Variants in CSGALNACT1 observed in about 807,000 individuals in gnomAD.
The protein encoded by CSGALNACT1 is beta4GalNAcT-1.
In CSGALNACT1, 52 loss-of-function variants were observed where a neutral mutation model predicts 51.0. The ratio of observed to expected loss-of-function variants is 1.02; its 90% CI spans 0.82 to 1.29. The LOEUF (loss-of-function observed/expected upper bound fraction) is 1.29, where lower values mean the gene tolerates loss of function less well. CSGALNACT1 is among the 50% of genes most tolerant of loss of function. The probability of loss-of-function intolerance (pLI) is 0.00; values close to 1 mark genes in which losing one functional copy is unlikely to be tolerated. For missense variants in CSGALNACT1, 935 were observed against 679.2 expected (o/e 1.38, Z -4.19); for synonymous variants, 341 against 254.4 (o/e 1.34, Z -3.24).
At chr8:19,675,222 G>A (rs549646120) in intron 1 of CSGALNACT1, among the ~76,000 whole-genome samples, 47 of 152,266 alleles carry the variant, frequency 3.1e-4, no homozygotes, top group African/African-American at 1.1e-3. Flanking sequence ...AACTACCTGA[G>A]AACTAGGAAA....
chr8:19,703,210 C>G (rs1474353058), intron 1 of CSGALNACT1, among the ~76,000 whole-genome samples: 1 of 152,104 alleles, frequency 6.6e-6, no homozygotes, highest in Admixed American at 6.5e-5. Flanking sequence ...CAGCTCAGCC[C>G]TTGTTCAGAA....
exon 8 of CSGALNACT1, chr8:19,418,671 G>C: frequency 6.2e-7 from 1 of 1,611,010 alleles, no homozygotes; most frequent in Non-Finnish European, 8.5e-7. Context: ...GCTGTTCCAA[G>C]GGAGGGACTG....
At chr8:19,666,809 A>AAGAAAGAAAGAGAGAGAGAGAG (rs1564383214) in intron 1 of CSGALNACT1, among the ~76,000 whole-genome samples, 3 of 25,064 alleles carry the variant, frequency 1.2e-4, no homozygotes, top group Non-Finnish European at 2.1e-4. Context: ...GAAAGAAAGA[A>AAGAAAGAAAGAGAGAGAGAGAG]AGAGAGAGAG....
intron 1 of CSGALNACT1, among the ~76,000 whole-genome samples, chr8:19,615,075 C>T (rs1458057890): frequency 6.6e-6 from 1 of 152,116 alleles, no homozygotes; most frequent in Non-Finnish European, 1.5e-5. Flanking sequence ...TTTGGGAGGT[C>T]GAATGGGTAT....
chr8:19,693,336 T>G lies in CSGALNACT1; in HGVS notation c.-297+64514A>C, dbSNP rs116713347. Among the ~76,000 whole-genome samples, 737 of 152,170 alleles carry G rather than the reference T, an allele frequency of 4.8e-3. 9 individuals carry two copies. The highest frequency in any genetic ancestry group is 0.017 in the African/African-American group (686 of 41,532). On this transcript the variant is annotated intron_variant, in intron 1 of 1. Transcript: ENST00000517494. ...GTGCTTCTGAACACCCCCATGCAGA[T>G]GCAGTTCTTCACCTGTGGTACCACC...
chr8:19,659,603 C>T (rs528268759), intron 1 of CSGALNACT1, among the ~76,000 whole-genome samples: 1 of 152,150 alleles, frequency 6.6e-6, no homozygotes, highest in Non-Finnish European at 1.5e-5. Context: ...CATAAGTTAC[C>T]ACGAAAGTGC....
chr8:19,493,049 C>A (rs2074704759), intron 4 of CSGALNACT1, among the ~76,000 whole-genome samples: 3 of 82,064 alleles, frequency 3.7e-5, no homozygotes, highest in African/African-American at 7.8e-5. Context: ...GCCTAAAATT[C>A]TTTTTTTGAA....
intron 3 of CSGALNACT1, among the ~76,000 whole-genome samples, chr8:19,576,254 G>T (rs552768752): frequency 1.3e-5 from 2 of 152,264 alleles, no homozygotes; most frequent in Non-Finnish European, 2.9e-5. Context: ...GGAGTGCAGT[G>T]GGGTAATCTC....
intron 6 of CSGALNACT1, among the ~76,000 whole-genome samples, chr8:19,424,528 T>C (rs993508831): frequency 6.6e-6 from 1 of 152,182 alleles, no homozygotes; most frequent in Non-Finnish European, 1.5e-5. Context: ...CTTCCTGTCT[T>C]TGCCAAACCT....
chr8:19,498,374 C>A (rs995145919), intron 4 of CSGALNACT1, among the ~76,000 whole-genome samples: 8 of 152,198 alleles, frequency 5.3e-5, no homozygotes, highest in African/African-American at 1.7e-4. Flanking sequence ...AAAAAACTTC[C>A]ATCCTTTCCC....
chr8:19,566,185 T>C (rs1205508577), intron 3 of CSGALNACT1, among the ~76,000 whole-genome samples: 1 of 152,188 alleles, frequency 6.6e-6, no homozygotes, highest in African/African-American at 2.4e-5. Flanking sequence ...TCTGGATGGG[T>C]CCTAAATGTC....
intron 3 of CSGALNACT1, among the ~76,000 whole-genome samples, chr8:19,580,126 GC>G (rs2154120761): frequency 6.6e-6 from 1 of 152,346 alleles, no homozygotes. Flanking sequence ...GACAGCTGCA[GC>G]CCAAAGCCTG....
At chr8:19,723,406 T>C (rs2063230918) in intron 1 of CSGALNACT1, among the ~76,000 whole-genome samples, 1 of 152,226 alleles carries the variant, frequency 6.6e-6, no homozygotes, top group African/African-American at 2.4e-5. Context: ...AAATGTCACA[T>C]CACTTTCACG....
At chr8:19,749,229 T>A (rs982609906) in intron 1 of CSGALNACT1, among the ~76,000 whole-genome samples, 1 of 151,754 alleles carries the variant, frequency 6.6e-6, no homozygotes, top group East Asian at 1.9e-4. Context: ...TTTTTTTTTT[T>A]AAGTTTGCTT....
intron 1 of CSGALNACT1, among the ~76,000 whole-genome samples, chr8:19,725,587 G>C (rs2063353995): frequency 1.3e-5 from 2 of 151,790 alleles, no homozygotes; most frequent in Non-Finnish European, 1.5e-5. Flanking sequence ...ACCATGCCCA[G>C]CTAGTTTTTG....
chr8:19,502,729 G>C (rs2076628971), intron 4 of CSGALNACT1, among the ~76,000 whole-genome samples: 1 of 152,196 alleles, frequency 6.6e-6, no homozygotes, highest in Non-Finnish European at 1.5e-5. Context: ...ATAAAATCCT[G>C]TCACTTGCTG....
At chr8:19,527,991 G>A (rs1267059318) in intron 3 of CSGALNACT1, among the ~76,000 whole-genome samples, 1 of 152,082 alleles carries the variant, frequency 6.6e-6, no homozygotes, top group Non-Finnish European at 1.5e-5. Context: ...AGGTGGTGCT[G>A]AGTCTATAGG....
chr8:19,448,485 T>A (rs1362946783), intron 5 of CSGALNACT1, among the ~76,000 whole-genome samples: 1 of 152,154 alleles, frequency 6.6e-6, no homozygotes, highest in Middle Eastern at 3.2e-3. Context: ...ACTTTATAGT[T>A]TTTTGGAAGA....
intron 6 of CSGALNACT1, among the ~76,000 whole-genome samples, chr8:19,435,705 G>T (rs1161986381): frequency 6.6e-6 from 1 of 152,112 alleles, no homozygotes; most frequent in Non-Finnish European, 1.5e-5. Context: ...TTATTCCAAA[G>T]CATGTTAATA....
Sources: gnomAD v4.1 joint callset for allele counts (sites outside exome capture counted in the v4.1 genomes callset) on GRCh38, gnomAD v4.1.1 for gene constraint, MANE v1.5 for transcripts, NCBI Gene and HGNC (gene_info 2026-07-23, HGNC 2026-07-21) for gene names.